GOLGA5: variants seen among roughly 807,000 people sequenced by gnomAD.
GOLGA5 encodes the protein golgin A5.
GOLGA5 carries 50 observed loss-of-function variants against 93.5 expected under a neutral mutation model. The observed-to-expected ratio is 0.53, with a 90% CI of 0.43 to 0.68. GOLGA5 has a LOEUF of 0.68. Among genes scored for constraint, GOLGA5 ranks in the 30% least tolerant of loss-of-function variants. The pLI is 0.00. For missense variants in GOLGA5, 760 were observed against 856.4 expected (o/e 0.89, Z 1.40); for synonymous variants, 312 against 304.5 (o/e 1.02, Z -0.26).
At position 92,825,795 on chromosome 14, in the gene GOLGA5, G is replaced by C. The variant is rs371804729; in HGVS notation, c.1719+1151G>C. On this transcript the variant is annotated intron_variant, in intron 9 of 12. Coordinates refer to ENST00000163416, the MANE Select transcript of GOLGA5 (RefSeq NM_005113.4). ...CACTTGCGCCTGGGAGGTCAAGGCT[G>C]CAGTGAGCTCTCAGTGCACCTCTAC... Among the ~76,000 whole-genome samples, 39 of 147,604 alleles carry C rather than the reference G, an allele frequency of 2.6e-4. No individual in the cohort carries two copies. The South Asian group carries it at 8.4e-3, about 32-fold the overall frequency.
chr14:92,826,744 T>A (rs1232071368), intron 9 of GOLGA5, among the ~76,000 whole-genome samples: 1 of 150,146 alleles, frequency 6.7e-6, no homozygotes, highest in African/African-American at 2.4e-5. Context: ...TGGGAGTAGA[T>A]GAAAACATAC....
chr14:92,827,781 A>G (rs1158878720), intron 9 of GOLGA5, among the ~76,000 whole-genome samples: 1 of 152,250 alleles, frequency 6.6e-6, no homozygotes. Flanking sequence ...TCTAGTGAAC[A>G]TACGAATGAT....
chr14:92,816,813 G>C (rs1055354281), intron 7 of GOLGA5, among the ~76,000 whole-genome samples: 3 of 152,248 alleles, frequency 2.0e-5, no homozygotes, highest in Non-Finnish European at 4.4e-5. Context: ...TCCCTCCTCA[G>C]CCTCCCAGAG....
intron 2 of GOLGA5, among the ~76,000 whole-genome samples, chr14:92,805,160 A>G (rs1179578096): frequency 6.6e-6 from 1 of 152,100 alleles, no homozygotes; most frequent in East Asian, 1.9e-4. Flanking sequence ...GTTCCTTTCC[A>G]CTTAATCTCC....
Position 92,796,741 on chromosome 14 carries a change from C to T in GOLGA5, c.-30-667C>T, listed in dbSNP as rs767353701. Among the ~76,000 whole-genome samples the T allele has an allele frequency of 2.3e-4, 33 of 143,074 alleles. 1 individual carries two copies. The highest frequency in any genetic ancestry group is 4.5e-4 in the Non-Finnish European group (30 of 66,574). 93.9% of individuals were successfully genotyped at this position (143,074 alleles called of 152,430 possible). Reference sequence around the variant, plus strand: ...ATCCCCGCACTTTGGGAGGCCGAGGCGGGTGGATCATGAGGTCAGGAGATC... The same window carrying T: ...ATCCCCGCACTTTGGGAGGCCGAGGTGGGTGGATCATGAGGTCAGGAGATC... On this transcript the variant is annotated intron_variant, in intron 1 of 12. Transcript: ENST00000163416.
At chr14:92,799,283 T>C (rs1884808971) in intron 2 of GOLGA5, among the ~76,000 whole-genome samples, 1 of 145,044 alleles carries the variant, frequency 6.9e-6, no homozygotes. Flanking sequence ...TTTTTTTTTT[T>C]TTTTCTTTTT....
rs1051240704 is a variant in GOLGA5, at chr14:92,806,831, A to C, written c.640A>C (p.Thr214Pro). The C allele has an allele frequency of 6.2e-7, 1 of 1,612,380 alleles. No homozygotes were observed. Among genetic ancestry groups the C allele is most frequent in the Non-Finnish European group, 8.5e-7 (1 of 1,178,420 alleles). ...TGCTGCCTGCCCTGACCACACCCCA[A>C]CACCTAATGATGATGGCAAATCACA... ...SNAACPDHTP[T>P]PNDDGKSHEL... is the part of the protein sequence containing the mutation. The change falls in exon 3 of 13, where the codon ACA (threonine) becomes CCA (proline). Residue 214 changes from threonine (T) to proline (P), a missense_variant. Physicochemically the swap from Thr to Pro is conservative, Grantham distance 38 (BLOSUM62 -1). Coordinates refer to ENST00000163416, the MANE Select transcript of GOLGA5 (RefSeq NM_005113.4).
chr14:92,823,761 T>C (rs1293665408), intron 8 of GOLGA5, among the ~76,000 whole-genome samples: 2 of 152,154 alleles, frequency 1.3e-5, no homozygotes, highest in Non-Finnish European at 2.9e-5. Flanking sequence ...AGAATAACTT[T>C]ACATAGTTTT....
At chr14:92,829,579 T>A (rs1885486533) in intron 9 of GOLGA5, among the ~76,000 whole-genome samples, 2 of 152,202 alleles carry the variant, frequency 1.3e-5, no homozygotes, top group African/African-American at 4.8e-5. Context: ...ATTGCTGCAA[T>A]CTCATAATAA....
In GOLGA5 at chr14:92,809,407, G is replaced by C; in HGVS notation, c.880G>C (p.Val294Leu). 6.2e-7 allele frequency: 1 copy of C among 1,613,770 alleles called. No homozygotes were observed. The highest frequency in any genetic ancestry group is 8.5e-7 in the Non-Finnish European group (1 of 1,179,682). The stretch of plus-strand genomic sequence containing the variant: ...CCAAGTAGATGACCTGACTGAAGCT[G>C]TGGCTGCAAAGGATTCCCAGCTGGC... ...RAQVDDLTEA[V>L]AAKDSQLAVL... Residue 294 changes from valine (V) to leucine (L), a missense_variant, in exon 4 of 13, where the codon GTG becomes CTG. Physicochemically the swap from Val to Leu is conservative, Grantham distance 32 (BLOSUM62 1). Coordinates refer to ENST00000163416, the MANE Select transcript of GOLGA5 (RefSeq NM_005113.4).
intron 9 of GOLGA5, among the ~76,000 whole-genome samples, chr14:92,825,421 G>A (rs1247904815): frequency 1.3e-5 from 2 of 152,220 alleles, no homozygotes; most frequent in South Asian, 2.1e-4. Context: ...TGCCTATTTT[G>A]TGAAATACTT....
intron 2 of GOLGA5, among the ~76,000 whole-genome samples, chr14:92,806,350 C>G (rs1350349406): frequency 2.6e-5 from 4 of 152,178 alleles, no homozygotes; most frequent in African/African-American, 7.2e-5. Flanking sequence ...CGCTCTGTTG[C>G]CCAGGCTGGA....
At chr14:92,794,726 G>A (rs1884681801) in intron 1 of GOLGA5, among the ~76,000 whole-genome samples, 1 of 152,172 alleles carries the variant, frequency 6.6e-6, no homozygotes, top group South Asian at 2.1e-4. Context: ...GGGGAGCAGA[G>A]TGGGGGTCTC....
chr14:92,824,571 T>G lies in GOLGA5; in HGVS notation c.1646T>G (p.Leu549Arg). 1 of 1,600,926 alleles carries G rather than the reference T, an allele frequency of 6.2e-7. No individual in the cohort carries two copies. The highest frequency in any genetic ancestry group is 1.1e-5 in the South Asian group (1 of 89,918). ...GAGTTCCACTATATAGAAGAAGATC[T>G]TTATCGAACAAAGAACACATTGCAA... ...KQEFHYIEED[L>R]YRTKNTLQSR... Residue 549 changes from leucine to arginine, a missense_variant, in exon 9 of 13, where the codon CTT becomes CGT. Transcript: ENST00000163416.
chr14:92,811,402 T>A, intron 5 of GOLGA5, 149 bp from the exon 6 acceptor site: 1 of 613,594 alleles, frequency 1.6e-6, no homozygotes, highest in South Asian at 2.0e-5. Context: ...TCCTATACTT[T>A]AGCTCCTAAC....
At position 92,837,371 on chromosome 14, in the gene GOLGA5, C is replaced by T; in HGVS notation, c.2052-15C>T. The T allele has an allele frequency of 2.1e-6, 3 of 1,420,234 alleles. No individual in the cohort carries two copies. Among genetic ancestry groups the T allele is most frequent in the Non-Finnish European group, 9.9e-7 (1 of 1,011,782 alleles). 88.0% of individuals were successfully genotyped at this position (1,420,234 alleles called of 1,614,324 possible). ...TCTTCTCTCTCCTCTCCCCCTCACA[C>T]CTGTGTCTGCACAGTATTCGCCTGG... On this transcript the variant is annotated splice_polypyrimidine_tract_variant and intron_variant, in intron 11 of 12. Coordinates refer to ENST00000163416, the MANE Select transcript of GOLGA5 (RefSeq NM_005113.4).
At chr14:92,837,550 T>C in intron 12 of GOLGA5, 101 bp downstream of exon 12, 1 of 676,060 alleles carries the variant, frequency 1.5e-6, no homozygotes, top group Non-Finnish European at 2.6e-6. Context: ...ATTGATATTT[T>C]AGCAATCAAT....
chr14:92,819,631 T>C, intron 7 of GOLGA5, 77 bp from the exon 8 acceptor site: 1 of 1,482,462 alleles, frequency 6.7e-7, no homozygotes, highest in East Asian at 2.3e-5. Flanking sequence ...CTCTGATTCT[T>C]AAAAAAGAAA....
Position 92,797,572 on chromosome 14 carries a change from TCAC to T in GOLGA5, c.138_140del (p.His46del). On this transcript the variant is annotated inframe_deletion, in exon 2 of 13. Transcript: ENST00000163416. ...GCAAAAATACTGACTATACTGAACT[TCAC>T]CAGCAAAATACAGATTTGATATATC... The T allele has an allele frequency of 6.2e-7, 1 of 1,613,650 alleles. No individual in the cohort carries two copies. The highest frequency in any genetic ancestry group is 8.5e-7 in the Non-Finnish European group (1 of 1,179,592).
Sources: gnomAD v4.1 joint callset for allele counts (sites outside exome capture counted in the v4.1 genomes callset) on GRCh38, gnomAD v4.1.1 for gene constraint, MANE v1.5 for transcripts, NCBI Gene and HGNC (gene_info 2026-07-23, HGNC 2026-07-21) for gene names.